LRP1B: variants seen among roughly 807,000 people sequenced by gnomAD.
LRP1B encodes the protein LDL receptor related protein 1B.
Under a neutral mutation model 556.6 loss-of-function variants are expected in LRP1B, and 217 were observed. That is an observed-to-expected ratio of 0.39 (90% CI 0.35 to 0.44). LRP1B has a LOEUF of 0.44. LRP1B is among the 20% of genes least tolerant of loss of function. The probability of loss-of-function intolerance (pLI) is 1.00; values close to 1 mark genes in which losing one functional copy is unlikely to be tolerated. For synonymous variants in LRP1B, 2,047 were observed against 1,865.8 expected, an observed-to-expected ratio of 1.10 and a Z score of -2.50; for missense variants, 5,053 against 5,620.8, an observed-to-expected ratio of 0.90 and a Z score of 3.23.
chr2:141,494,238 G>T (rs1683437228), intron 2 of LRP1B, among the ~76,000 whole-genome samples: 1 of 152,124 alleles, frequency 6.6e-6, no homozygotes, highest in African/African-American at 2.4e-5. Context: ...CCATTTTTCA[G>T]CCTCAGATCT....
At chr2:141,717,542 A>T (rs1692652140) in intron 2 of LRP1B, among the ~76,000 whole-genome samples, 1 of 152,198 alleles carries the variant, frequency 6.6e-6, no homozygotes, top group Admixed American at 6.5e-5. Context: ...CAACAGTTAA[A>T]GCTGATTCAA....
chr2:140,765,840 T>C (rs1358096290), intron 35 of LRP1B, among the ~76,000 whole-genome samples: 2 of 152,154 alleles, frequency 1.3e-5, no homozygotes, highest in African/African-American at 4.8e-5. Context: ...ACTTGTACTT[T>C]GCCAATGATT....
chr2:140,849,529 AT>A (rs1290451729), intron 29 of LRP1B, among the ~76,000 whole-genome samples: 4 of 151,480 alleles, frequency 2.6e-5, no homozygotes, highest in Admixed American at 1.3e-4. Context: ...AGACATGTAA[AT>A]TTTTTTTTAA....
chr2:141,914,032 C>T (rs142942646), intron 1 of LRP1B, among the ~76,000 whole-genome samples: 2 of 152,268 alleles, frequency 1.3e-5, no homozygotes, highest in East Asian at 3.9e-4. Flanking sequence ...AGACGTGAGC[C>T]ACTGTGCCTG....
intron 41 of LRP1B, among the ~76,000 whole-genome samples, chr2:140,691,402 C>A (rs1230527105): frequency 6.7e-6 from 1 of 148,320 alleles, no homozygotes; most frequent in South Asian, 2.2e-4. Flanking sequence ...ACCTGGAAGG[C>A]GGAGGTTGTG....
chr2:141,947,423 G>A (rs553538632), intron 1 of LRP1B, among the ~76,000 whole-genome samples: 11 of 151,982 alleles, frequency 7.2e-5, no homozygotes, highest in African/African-American at 2.4e-4. Context: ...GGGACACAGC[G>A]AGAGTCCATC....
intron 14 of LRP1B, among the ~76,000 whole-genome samples, chr2:141,009,592 A>T (rs1181648358): frequency 6.6e-6 from 1 of 152,046 alleles, no homozygotes; most frequent in East Asian, 1.9e-4. Flanking sequence ...TCCTACCACC[A>T]AACCTAAAGC....
intron 6 of LRP1B, among the ~76,000 whole-genome samples, chr2:141,206,682 T>A (rs573164578): frequency 6.6e-6 from 1 of 152,264 alleles, no homozygotes; most frequent in Non-Finnish European, 1.5e-5. Flanking sequence ...CCTCATTCCA[T>A]CCTCTGTCCA....
chr2:141,037,862 A>G (rs1698578272), intron 11 of LRP1B, among the ~76,000 whole-genome samples: 1 of 151,666 alleles, frequency 6.6e-6, no homozygotes, highest in Admixed American at 6.6e-5. Flanking sequence ...ACAGACACAC[A>G]CAGACACATG....
At chr2:141,133,356 T>G (rs1701410316) in intron 7 of LRP1B, among the ~76,000 whole-genome samples, 1 of 150,410 alleles carries the variant, frequency 6.6e-6, no homozygotes, top group African/African-American at 2.4e-5. Context: ...TAATTTTCCC[T>G]CCTCTACAAA....
intron 86 of LRP1B, among the ~76,000 whole-genome samples, chr2:140,258,394 A>G (rs16843701): frequency 0.025 from 3,781 of 152,074 alleles, 159 homozygotes; most frequent in African/African-American, 0.085. Context: ...GACACCCTAA[A>G]TAGAACTTGA....
intron 2 of LRP1B, among the ~76,000 whole-genome samples, chr2:141,709,184 A>G (rs1692261900): frequency 6.6e-6 from 1 of 151,850 alleles, no homozygotes; most frequent in Non-Finnish European, 1.5e-5. Context: ...CCCCGTCTCT[A>G]CAAAAAATAC....
chr2:141,533,479 A>G (rs532202252), intron 2 of LRP1B, among the ~76,000 whole-genome samples: 2 of 152,340 alleles, frequency 1.3e-5, no homozygotes, highest in Non-Finnish European at 2.9e-5. Flanking sequence ...GTAAGTATAC[A>G]TTTATACATG....
chr2:140,345,739 CAT>C (rs570034130), intron 77 of LRP1B, among the ~76,000 whole-genome samples: 16 of 124,656 alleles, frequency 1.3e-4, no homozygotes, highest in Admixed American at 1.1e-3. Context: ...CATATATATA[CAT>C]ATATATACAC....
chr2:141,832,336 CACA>C (rs1697141611), intron 1 of LRP1B, among the ~76,000 whole-genome samples: 1 of 148,544 alleles, frequency 6.7e-6, no homozygotes, highest in African/African-American at 2.5e-5. Context: ...CTCACACACA[CACA>C]CACACACACA....
At chr2:141,939,626 C>T (rs1700736838) in intron 1 of LRP1B, among the ~76,000 whole-genome samples, 1 of 152,056 alleles carries the variant, frequency 6.6e-6, no homozygotes, top group Admixed American at 6.5e-5. Context: ...TAACTTTCTA[C>T]TTATTTGGCT....
At chr2:141,055,284 C>A (rs770405091) in intron 9 of LRP1B, 25 bp from the exon 10 acceptor site, 1 of 1,592,056 alleles carries the variant, frequency 6.3e-7, no homozygotes, top group Admixed American at 1.8e-5. Context: ...AAACAGCATG[C>A]GTGAAATTCA....
intron 66 of LRP1B, among the ~76,000 whole-genome samples, chr2:140,398,981 C>T (rs1404244540): frequency 6.6e-6 from 1 of 151,858 alleles, no homozygotes; most frequent in African/African-American, 2.4e-5. Flanking sequence ...TTTTTCCATC[C>T]AACATTCATT....
intron 83 of LRP1B, among the ~76,000 whole-genome samples, chr2:140,310,049 C>A (rs779901446): frequency 1.3e-5 from 2 of 151,672 alleles, no homozygotes; most frequent in Admixed American, 1.3e-4. Flanking sequence ...GCAAAGTTTG[C>A]ATCATCAACA....
Sources: gnomAD v4.1 joint callset for allele counts (sites outside exome capture counted in the v4.1 genomes callset) on GRCh38, gnomAD v4.1.1 for gene constraint, MANE v1.5 for transcripts, NCBI Gene and HGNC (gene_info 2026-07-23, HGNC 2026-07-21) for gene names.